SPATA31C1: variants seen among roughly 807,000 people sequenced by gnomAD.
SPATA31C1 encodes the protein spermatogenesis-associated protein 31C1.
exon 5 of SPATA31C1, chr9:87,922,748 C>G: frequency 6.2e-7 from 1 of 1,606,774 alleles, no homozygotes; most frequent in South Asian, 1.1e-5. Flanking sequence ...ACTGTCAAGG[C>G]TCATGCAAGA....
At position 87,920,590 on chromosome 9, in the gene SPATA31C1, G is replaced by A. The variant is rs572265381; in HGVS notation, n.980G>A. ...CCACACACCCCTGATCCTCTGGCCT[G>A]CTCTCCACCTCCTCCGAAAGGCTTC... On this transcript the variant is annotated non_coding_transcript_exon_variant, in exon 5 of 5. Transcript: ENST00000420021. The A allele has an allele frequency of 5.1e-5, 83 of 1,613,584 alleles. No homozygotes were observed. In the African/African-American group the frequency reaches 5.3e-4, roughly 10 times the overall value.
chr9:87,915,493 G>A (rs2117967792), intron 1 of SPATA31C1, among the ~76,000 whole-genome samples: 1 of 145,466 alleles, frequency 6.9e-6, no homozygotes, highest in Middle Eastern at 3.6e-3. Context: ...TAGTAGAGAT[G>A]GGGTTTCACC....
exon 5 of SPATA31C1, chr9:87,922,305 G>A (rs1354215428): frequency 7.4e-6 from 12 of 1,611,844 alleles, no homozygotes; most frequent in Admixed American, 1.7e-5. Context: ...ATCTTCAAGG[G>A]CTGGAGAGAC....
At position 87,920,175 on chromosome 9, in the gene SPATA31C1, C is replaced by T. The variant is rs1828813604; in HGVS notation, n.642-77C>T. The T allele has an allele frequency of 4.4e-6, 7 of 1,602,674 alleles. No individual in the cohort carries two copies. In the Admixed American group the frequency reaches 1.0e-4, roughly 23 times the overall value. ...GAGAGGGTGTGGCGTGGTGGAGGGG[C>T]TGTGGCCCAAGCGCCCACTCTGCCC... On this transcript the variant is annotated intron_variant and non_coding_transcript_variant, in intron 4 of 4. Coordinates refer to ENST00000420021, the Ensembl canonical transcript of SPATA31C1.
At chr9:87,922,160 G>A (rs537225781) in exon 5 of SPATA31C1, 33 of 1,613,272 alleles carry the variant, frequency 2.0e-5, no homozygotes, top group Non-Finnish European at 2.3e-5. Context: ...AGAGGGCCCC[G>A]CGAGGGATCC....
At chr9:87,921,978 C>G (rs768740913) in exon 5 of SPATA31C1, 12 of 1,613,144 alleles carry the variant, frequency 7.4e-6, no homozygotes, top group Non-Finnish European at 1.0e-5. Context: ...CCTTATACAG[C>G]TTGCTGGTCC....
Position 87,916,215 on chromosome 9 carries a change from G to C in SPATA31C1, n.189+1505G>C, listed in dbSNP as rs1195613677. On this transcript the variant is annotated intron_variant and non_coding_transcript_variant, in intron 1 of 4. Coordinates refer to ENST00000420021, the Ensembl canonical transcript of SPATA31C1. ...ATAAGAAAACCAATTAGATACCAAT[G>C]GTGGTCAGATATGAAGATGGAGGAA... Among the ~76,000 whole-genome samples the C allele has an allele frequency of 1.4e-5, 2 of 138,862 alleles. 1 individual carries two copies. Among genetic ancestry groups the C allele is most frequent in the Non-Finnish European group, 3.2e-5 (2 of 63,192 alleles). The allele number at this position is 138,862 out of a possible 152,430, so 91.1% of individuals were successfully genotyped here. A position where few individuals can be genotyped will look rare whatever the true frequency, so the allele number is the denominator to read the frequency against.
exon 5 of SPATA31C1, chr9:87,921,113 C>G (rs1321634504): frequency 6.2e-7 from 1 of 1,611,720 alleles, no homozygotes. Context: ...AAACTCAGCA[C>G]CCTGAAAGGC....
At chr9:87,921,915 A>G in exon 5 of SPATA31C1, 6 of 1,612,040 alleles carry the variant, frequency 3.7e-6, no homozygotes, top group Non-Finnish European at 5.1e-6. Flanking sequence ...TCTACCCCTC[A>G]GGGTCCTCAA....
At chr9:87,920,182 C>T in intron 4 of SPATA31C1, 70 bp from the exon 4 acceptor site, 1 of 1,603,582 alleles carries the variant, frequency 6.2e-7, no homozygotes, top group Non-Finnish European at 8.5e-7. Flanking sequence ...GGGCTGTGGC[C>T]CAAGCGCCCA....
At chr9:87,921,977 G>A in exon 5 of SPATA31C1, 3 of 1,613,228 alleles carry the variant, frequency 1.9e-6, no homozygotes, top group Non-Finnish European at 1.7e-6. Flanking sequence ...CCCTTATACA[G>A]CTTGCTGGTC....
At chr9:87,913,955 TA>T (rs1429427409), upstream of SPATA31C1, among the ~76,000 whole-genome samples, 6 of 77,182 alleles carry the variant, frequency 7.8e-5, no homozygotes, top group Admixed American at 4.9e-4. Flanking sequence ...CTCAAAAAAA[TA>T]AAAAAAATAA....
At chr9:87,919,059 C>G (rs1006043598) in intron 2 of SPATA31C1, 196 bp from the exon 2 acceptor site, 6 of 882,568 alleles carry the variant, frequency 6.8e-6, no homozygotes, top group African/African-American at 1.7e-5. Flanking sequence ...CGTGAGCCAC[C>G]GCACCCGACC....
chr9:87,920,182 C>G, intron 4 of SPATA31C1, 70 bp from the exon 4 acceptor site: 1 of 1,603,582 alleles, frequency 6.2e-7, no homozygotes. Flanking sequence ...GGGCTGTGGC[C>G]CAAGCGCCCA....
exon 5 of SPATA31C1, chr9:87,921,674 G>GC (rs767860846): frequency 1.9e-5 from 30 of 1,611,940 alleles, no homozygotes; most frequent in Non-Finnish European, 2.3e-5. Flanking sequence ...TGGGCAGAAA[G>GC]TTGGGCCAGA....
exon 5 of SPATA31C1, chr9:87,921,332 G>C: frequency 6.2e-7 from 1 of 1,612,010 alleles, no homozygotes; most frequent in Non-Finnish European, 8.5e-7. Context: ...CTCTGGATCT[G>C]ATGCAGCTTC....
At chr9:87,922,029 G>A in exon 5 of SPATA31C1, 3 of 1,613,942 alleles carry the variant, frequency 1.9e-6, no homozygotes, top group South Asian at 1.1e-5. Context: ...CTCAAAAGTT[G>A]AGGTGGCCAC....
intron 1 of SPATA31C1, among the ~76,000 whole-genome samples, chr9:87,916,801 T>C (rs1317163259): frequency 3.5e-5 from 3 of 85,254 alleles, no homozygotes; most frequent in Non-Finnish European, 1.2e-4. Flanking sequence ...AACAAGACCA[T>C]CCTGGCTAAC....
In SPATA31C1 at chr9:87,920,819, C is replaced by G; in HGVS notation, n.1209C>G. 1.9e-6 allele frequency: 3 copies of G among 1,613,864 alleles called. No homozygotes were observed. The South Asian group carries it at 3.3e-5, about 18-fold the overall frequency. ...AGGAGACTACCAAAACCTGGTGCAT[C>G]TTCAACTCGTCAGTCCAGCAAGATC... On this transcript the variant is annotated non_coding_transcript_exon_variant, in exon 5 of 5. Coordinates refer to ENST00000420021, the Ensembl canonical transcript of SPATA31C1.
Sources: allele counts gnomAD v4.1 joint callset (sites outside exome capture counted in the v4.1 genomes callset), GRCh38; gene constraint gnomAD v4.1.1; transcripts MANE v1.5; gene names NCBI Gene and HGNC (gene_info 2026-07-23, HGNC 2026-07-21).